Variants in TG observed in about 807,000 individuals in gnomAD.
TG encodes thyroglobulin.
Under a neutral mutation model 324.7 loss-of-function variants are expected in TG, and 270 were observed. The ratio of observed to expected loss-of-function variants is 0.83; its 90% CI spans 0.75 to 0.92. TG has a LOEUF of 0.92. Ranked by LOEUF, TG falls within the 40% of genes least tolerant of loss-of-function variation. The pLI is 0.00. For synonymous variants in TG, 1,401 were observed against 1,327.0 expected, an observed-to-expected ratio of 1.06 and a Z score of -1.21; for missense variants, 3,591 against 3,456.4, an observed-to-expected ratio of 1.04 and a Z score of -0.98.
rs1042821390 is a variant in TG at position 132,972,477 on chromosome 8, A to G, written c.6056-121A>G. 6 of 1,132,736 alleles carry G rather than the reference A, an allele frequency of 5.3e-6. No homozygotes were observed. In the African/African-American group the frequency reaches 7.9e-5, roughly 15 times the overall value. The allele number at this position is 1,132,736 out of a possible 1,614,324, so 70.2% of individuals were successfully genotyped here. On this transcript the variant is annotated intron_variant, in intron 33 of 47. Transcript: ENST00000220616. Reference sequence around the variant, plus strand: ...GTGGCTGAGATAGTATCTGAAATATAGTGGTGTATCCCAAATGTCTGCTGA... The same window carrying G: ...GTGGCTGAGATAGTATCTGAAATATGGTGGTGTATCCCAAATGTCTGCTGA...
At chr8:132,973,332 T>C (rs1170755019) in intron 34 of TG, among the ~76,000 whole-genome samples, 1 of 152,242 alleles carries the variant, frequency 6.6e-6, no homozygotes, top group East Asian at 1.9e-4. Flanking sequence ...GGACAACCAA[T>C]GTGTATTTGA....
At chr8:133,102,029 A>T (rs1849322073) in intron 43 of TG, among the ~76,000 whole-genome samples, 1 of 152,240 alleles carries the variant, frequency 6.6e-6, no homozygotes, top group African/African-American at 2.4e-5. Flanking sequence ...CCTCATAAAG[A>T]TGTTCAAAAA....
Position 132,893,694 on chromosome 8 carries a change from T to G in TG, c.2766T>G (p.Pro922=). 1 of 1,613,842 alleles carries G rather than the reference T, an allele frequency of 6.2e-7. No individual in the cohort carries two copies. Among genetic ancestry groups the G allele is most frequent in the South Asian group, 1.1e-5 (1 of 91,076 alleles). ...GTGTTATTTTTATTCCCCTAGGTCC[T>G]GGCTCCTGTGAGGAAGCAAAGCTCC... ...RSEPSKLPTC[P]GSCEEAKLRV... Residue 922 remains proline, a synonymous_variant, in exon 11 of 48, where the codon CCT becomes CCG. Transcript: ENST00000220616.
intron 35 of TG, among the ~76,000 whole-genome samples, chr8:132,992,383 G>T (rs1182137963): frequency 1.3e-5 from 2 of 152,190 alleles, no homozygotes; most frequent in African/African-American, 4.8e-5. Flanking sequence ...ATTCTGTGTG[G>T]CTTCAATGTG....
intron 41 of TG, among the ~76,000 whole-genome samples, chr8:133,059,648 A>G (rs1842074720): frequency 6.6e-6 from 1 of 152,100 alleles, no homozygotes; most frequent in South Asian, 2.1e-4. Flanking sequence ...TAGCTTAGAA[A>G]AGTAACACAG....
chr8:132,990,913 C>A (rs1832236743), intron 35 of TG, among the ~76,000 whole-genome samples: 2 of 124,160 alleles, frequency 1.6e-5, no homozygotes. Context: ...GTAGGAAGGC[C>A]AGTTTTTTTT....
intron 43 of TG, among the ~76,000 whole-genome samples, chr8:133,097,120 G>A (rs745773788): frequency 6.6e-5 from 10 of 152,228 alleles, no homozygotes; most frequent in Non-Finnish European, 1.2e-4. Context: ...AACTCTGGGC[G>A]TGGGTGGAGT....
chr8:132,887,581 C>T, intron 9 of TG, 33 bp downstream of exon 9: 1 of 1,614,092 alleles, frequency 6.2e-7, no homozygotes, highest in Non-Finnish European at 8.5e-7. Context: ...CTGTAGGTTC[C>T]CTGAGTCTCT....
chr8:132,882,639 C>T lies in TG; in HGVS notation c.889+27C>T, dbSNP rs1051092320. The T allele has an allele frequency of 3.1e-6, 5 of 1,614,074 alleles. No homozygotes were observed. In the African/African-American group the frequency reaches 5.3e-5, roughly 17 times the overall value. ...TAAGTAATAAACTGCCAACAATGTG[C>T]GTGTTTCCATTAGGGGGACGCCTCT... On this transcript the variant is annotated intron_variant, in intron 7 of 47. Transcript: ENST00000220616.
intron 35 of TG, among the ~76,000 whole-genome samples, chr8:132,998,004 G>A (rs576529752): frequency 8.5e-5 from 13 of 152,194 alleles, no homozygotes; most frequent in African/African-American, 2.6e-4. Context: ...GTGAAGTGTC[G>A]GTGTCGAGGG....
At chr8:133,010,307 A>G (rs1834394936) in intron 35 of TG, among the ~76,000 whole-genome samples, 1 of 152,234 alleles carries the variant, frequency 6.6e-6, no homozygotes, top group Non-Finnish European at 1.5e-5. Context: ...TCGGGATCAA[A>G]CATGATGATG....
intron 29 of TG, among the ~76,000 whole-genome samples, chr8:132,963,826 G>A (rs58198177): frequency 0.13 from 20,184 of 151,918 alleles, 1,789 homozygotes; most frequent in East Asian, 0.43. Flanking sequence ...CATGGTACAG[G>A]GGAAAAAAAC....
At position 132,919,478 on chromosome 8, in the gene TG, C is replaced by T. The variant is rs146498231; in HGVS notation, c.4481C>T (p.Pro1494Leu). Residue 1494 changes from proline to leucine, a missense_variant, in exon 21 of 48, where the codon CCT (proline) becomes CTT (leucine). Transcript: ENST00000220616. ...GGGAGCTTGGCCTGTGTCCCATGTC[C>T]TGTGGGCAGAACGACCATTTCTGCT... ...QAGSLACVPC[P>L]VGRTTISAGA... 6.6e-4 allele frequency: 1,068 copies of T among 1,614,112 alleles called. 1 individual carries two copies. The highest frequency in any genetic ancestry group is 9.9e-4 in the Middle Eastern group (6 of 6,048).
At chr8:133,031,632 C>T (rs1836648594) in intron 41 of TG, among the ~76,000 whole-genome samples, 1 of 152,122 alleles carries the variant, frequency 6.6e-6, no homozygotes, top group Non-Finnish European at 1.5e-5. Context: ...TTTAGGGATC[C>T]AAACTCTTGA....
intron 45 of TG, among the ~76,000 whole-genome samples, chr8:133,128,229 A>G (rs918683377): frequency 5.9e-5 from 9 of 152,068 alleles, no homozygotes; most frequent in African/African-American, 1.7e-4. Context: ...CACAGCAGGC[A>G]TTCGGCAACT....
intron 40 of TG, among the ~76,000 whole-genome samples, chr8:133,024,287 A>G (rs1835815353): frequency 6.6e-6 from 1 of 151,130 alleles, no homozygotes; most frequent in Non-Finnish European, 1.5e-5. Context: ...TGTCTTTTGC[A>G]TTCATTAGCC....
chr8:132,969,128 A>G (rs928639479), intron 31 of TG, among the ~76,000 whole-genome samples: 5 of 152,110 alleles, frequency 3.3e-5, no homozygotes, highest in Admixed American at 2.6e-4. Context: ...ACCTTGTGGG[A>G]TTCCAGAGGG....
intron 10 of TG, among the ~76,000 whole-genome samples, chr8:132,892,373 A>G (rs1816350922): frequency 6.6e-6 from 1 of 152,086 alleles, no homozygotes. Context: ...CGTTTAAATT[A>G]TATGACTTCT....
At chr8:133,025,051 C>T (rs923494311) in intron 40 of TG, among the ~76,000 whole-genome samples, 3 of 152,200 alleles carry the variant, frequency 2.0e-5, no homozygotes, top group Non-Finnish European at 4.4e-5. Context: ...TCGTGTGTCC[C>T]ACATTCCCAG....
Sources: allele counts gnomAD v4.1 joint callset (sites outside exome capture counted in the v4.1 genomes callset), GRCh38; gene constraint gnomAD v4.1.1; transcripts MANE v1.5; gene names NCBI Gene and HGNC (gene_info 2026-07-23, HGNC 2026-07-21).